Variants in MYT1L observed in about 807,000 individuals in gnomAD.
MYT1L encodes the protein myelin transcription factor 1-like protein.
Under a neutral mutation model 126.7 loss-of-function variants are expected in MYT1L, and 12 were observed. The ratio of observed to expected loss-of-function variants is 0.09; its 90% CI spans 0.06 to 0.15. MYT1L has a LOEUF of 0.15. MYT1L is among the 10% of genes least tolerant of loss of function. The pLI is 1.00. For missense variants in MYT1L, 979 were observed against 1,585.2 expected, an observed-to-expected ratio of 0.62 and a Z score of 6.49; for synonymous variants, 541 against 604.2, an observed-to-expected ratio of 0.90 and a Z score of 1.53.
At chr2:1,928,617 C>T (rs939206890) in intron 9 of MYT1L, among the ~76,000 whole-genome samples, 3 of 152,236 alleles carry the variant, frequency 2.0e-5, no homozygotes, top group African/African-American at 7.2e-5. Flanking sequence ...CCGCTCCCTT[C>T]TGCCTCACCA....
chr2:2,255,687 C>T (rs570552988), intron 2 of MYT1L, among the ~76,000 whole-genome samples: 1 of 152,128 alleles, frequency 6.6e-6, no homozygotes, highest in African/African-American at 2.4e-5. Context: ...GTCGCACATA[C>T]CCGTGTGGAT....
At chr2:2,045,338 T>C (rs2068047725) in intron 4 of MYT1L, among the ~76,000 whole-genome samples, 1 of 152,182 alleles carries the variant, frequency 6.6e-6, no homozygotes, top group Admixed American at 6.5e-5. Flanking sequence ...TTGCCTGCCC[T>C]TCCTTAAGGT....
chr2:1,826,654 C>T (rs12990736), intron 21 of MYT1L, among the ~76,000 whole-genome samples: 22 of 152,234 alleles, frequency 1.4e-4, no homozygotes, highest in African/African-American at 2.4e-4. Context: ...GCTTTTAGGA[C>T]GCAGCACCGG....
intron 14 of MYT1L, among the ~76,000 whole-genome samples, chr2:1,896,646 C>T (rs2049611277): frequency 6.6e-6 from 1 of 152,128 alleles, no homozygotes. Context: ...ACATAGAGCA[C>T]ACAGGGACAT....
At chr2:1,865,086 G>C (rs983472193) in intron 18 of MYT1L, among the ~76,000 whole-genome samples, 2 of 152,204 alleles carry the variant, frequency 1.3e-5, no homozygotes, top group East Asian at 1.9e-4. Flanking sequence ...AAGGGCGCCC[G>C]TGTGGGTGTC....
At chr2:2,206,485 G>C (rs546385391) in intron 2 of MYT1L, among the ~76,000 whole-genome samples, 1 of 152,158 alleles carries the variant, frequency 6.6e-6, no homozygotes, top group African/African-American at 2.4e-5. Flanking sequence ...GGTTATGTCT[G>C]TCTCCCCACC....
At chr2:2,094,657 C>A (rs2077243302) in intron 3 of MYT1L, among the ~76,000 whole-genome samples, 1 of 150,480 alleles carries the variant, frequency 6.6e-6, no homozygotes, top group South Asian at 2.1e-4. Context: ...TCATTCTCAG[C>A]AAACTATCAC....
intron 18 of MYT1L, among the ~76,000 whole-genome samples, chr2:1,870,197 C>T (rs1645232957): frequency 6.6e-6 from 1 of 152,166 alleles, no homozygotes; most frequent in Non-Finnish European, 1.5e-5. Flanking sequence ...AAGCTTGTTG[C>T]TTTGGCAGAA....
chr2:1,983,300 C>T (rs1294063174), intron 5 of MYT1L, among the ~76,000 whole-genome samples: 1 of 152,218 alleles, frequency 6.6e-6, no homozygotes, highest in Non-Finnish European at 1.5e-5. Flanking sequence ...ATGCCAAGCA[C>T]AGCACCCCAC....
At chr2:1,842,465 C>T (rs1049584313) in intron 19 of MYT1L, 4 of 152,302 alleles carry the variant, frequency 2.6e-5, no homozygotes, top group Non-Finnish European at 4.4e-5. Flanking sequence ...TCGCTCTTCA[C>T]AGGAAGAGGA....
chr2:2,132,000 G>T (rs932259797), intron 3 of MYT1L, among the ~76,000 whole-genome samples: 1 of 142,736 alleles, frequency 7.0e-6, no homozygotes, highest in Non-Finnish European at 1.5e-5. Context: ...CCTCCAACTC[G>T]CTGGTTCAAG....
In MYT1L at chr2:2,305,535, A is replaced by T. The variant is rs142941378; in HGVS notation, c.-520-21032T>A. ...CTTCACTGAGACTGCCCTGCTACTAAGATCACTGTTGTAGAAAGAACTAGC... is the reference window on the plus strand; with the variant it reads ...CTTCACTGAGACTGCCCTGCTACTATGATCACTGTTGTAGAAAGAACTAGC... On this transcript the variant is annotated intron_variant, in intron 1 of 24. Coordinates refer to ENST00000647738, the MANE Select transcript of MYT1L (RefSeq NM_001303052.2). 5.4e-3 allele frequency among the ~76,000 whole-genome samples: 826 copies of T among 152,336 alleles called. 9 individuals are homozygous for T. Among genetic ancestry groups the T allele is most frequent in the African/African-American group, 0.019 (773 of 41,582 alleles).
At chr2:2,073,459 T>C (rs1422204705) in intron 3 of MYT1L, among the ~76,000 whole-genome samples, 2 of 152,104 alleles carry the variant, frequency 1.3e-5, no homozygotes, top group Admixed American at 6.5e-5. Context: ...CATCCTAACA[T>C]TGATGGCTCT....
chr2:2,299,338 C>T (rs1221701856), intron 1 of MYT1L, among the ~76,000 whole-genome samples: 1 of 152,206 alleles, frequency 6.6e-6, no homozygotes, highest in East Asian at 1.9e-4. Flanking sequence ...CCATGTGAGC[C>T]GCCAGCAGGG....
rs1282972937 is a variant in MYT1L at position 1,900,763 on chromosome 2, G to A, written c.2032+2317C>T. Among the ~76,000 whole-genome samples, 11 of 152,268 alleles carry A rather than the reference G, an allele frequency of 7.2e-5. No individual in the cohort carries two copies. In the East Asian group the frequency reaches 9.7e-4, roughly 13 times the overall value. On this transcript the variant is annotated intron_variant, in intron 14 of 24. Transcript: ENST00000647738. ...GCTCATTTTCTCACTGCACTGTGGC[G>A]AGAGGCTGCATTTCCTTTGCTCTGT...
At chr2:2,229,544 T>C (rs1411783616) in intron 2 of MYT1L, among the ~76,000 whole-genome samples, 1 of 152,154 alleles carries the variant, frequency 6.6e-6, no homozygotes, top group East Asian at 1.9e-4. Context: ...TGGGTTCAAG[T>C]GATCCTCCCA....
At chr2:1,818,073 C>CA (rs111764666) in intron 21 of MYT1L, among the ~76,000 whole-genome samples, 4 of 151,920 alleles carry the variant, frequency 2.6e-5, no homozygotes, top group African/African-American at 2.4e-5. Flanking sequence ...AAACCGAGCT[C>CA]CGGGAGGCCC....
At chr2:2,151,371 G>T (rs2085756261) in intron 3 of MYT1L, among the ~76,000 whole-genome samples, 1 of 152,078 alleles carries the variant, frequency 6.6e-6, no homozygotes, top group African/African-American at 2.4e-5. Context: ...AAGAAAAACA[G>T]CTGGGGAGGG....
At chr2:1,857,851 T>C (rs1393150936) in intron 18 of MYT1L, among the ~76,000 whole-genome samples, 1 of 149,418 alleles carries the variant, frequency 6.7e-6, no homozygotes, top group Non-Finnish European at 1.5e-5. Context: ...TTTTTTAAAA[T>C]ACATATTACT....
Sources: allele counts gnomAD v4.1 joint callset (sites outside exome capture counted in the v4.1 genomes callset), GRCh38; gene constraint gnomAD v4.1.1; transcripts MANE v1.5; gene names NCBI Gene and HGNC (gene_info 2026-07-23, HGNC 2026-07-21).